DSCAM: variants seen among roughly 807,000 people sequenced by gnomAD.
DSCAM encodes the protein cell adhesion molecule DSCAM.
Under a neutral mutation model 217.7 loss-of-function variants are expected in DSCAM, and 47 were observed. The ratio of observed to expected loss-of-function variants is 0.22; its 90% CI spans 0.17 to 0.28. The LOEUF (loss-of-function observed/expected upper bound fraction) is 0.28. Among genes scored for constraint, DSCAM ranks in the 10% least tolerant of loss-of-function variants. DSCAM has a pLI of 1.00. For missense variants in DSCAM, 2,080 were observed against 2,618.3 expected (o/e 0.79, Z 4.49); for synonymous variants, 1,056 against 1,015.3 (o/e 1.04, Z -0.76).
intron 3 of DSCAM, among the ~76,000 whole-genome samples, chr21:40,686,346 A>G (rs542252094): frequency 2.7e-5 from 4 of 150,732 alleles, no homozygotes; most frequent in African/African-American, 9.7e-5. Flanking sequence ...CACACCCCAC[A>G]TGCCACACAC....
chr21:40,540,900 A>ATT (rs879593036), intron 3 of DSCAM, among the ~76,000 whole-genome samples: 13 of 149,504 alleles, frequency 8.7e-5, no homozygotes, highest in African/African-American at 2.9e-4. Flanking sequence ...TGTTTGGGGT[A>ATT]TTTTTTTTTT....
intron 15 of DSCAM, among the ~76,000 whole-genome samples, chr21:40,169,026 G>A (rs141850157): frequency 2.0e-5 from 3 of 152,158 alleles, no homozygotes; most frequent in African/African-American, 7.2e-5. Context: ...TGTAAATAGG[G>A]GGAAGCAAAT....
In DSCAM at chr21:40,084,640, T is replaced by A. The variant is rs533102085; in HGVS notation, c.4133-634A>T. 1.2e-4 allele frequency among the ~76,000 whole-genome samples: 18 copies of A among 152,000 alleles called. No homozygotes were observed. In the South Asian group the frequency reaches 3.3e-3, roughly 28 times the overall value. On this transcript the variant is annotated intron_variant, in intron 23 of 32. Transcript: ENST00000400454. ...TGTAGAATACATACTGGTAAGTAAGTCTGGATGGGTTCTGAGGGCAGAAAC... is the reference window on the plus strand; with the variant it reads ...TGTAGAATACATACTGGTAAGTAAGACTGGATGGGTTCTGAGGGCAGAAAC...
chr21:40,719,709 A>G (rs769095970), intron 1 of DSCAM, among the ~76,000 whole-genome samples: 4 of 152,220 alleles, frequency 2.6e-5, no homozygotes, highest in Admixed American at 6.5e-5. Flanking sequence ...TTTACACTGT[A>G]TTGTTCCATT....
At chr21:40,451,203 C>T (rs887594280) in intron 3 of DSCAM, among the ~76,000 whole-genome samples, 2 of 152,110 alleles carry the variant, frequency 1.3e-5, no homozygotes, top group African/African-American at 4.8e-5. Flanking sequence ...GTTCAGACTC[C>T]AAAGGGCCAC....
intron 9 of DSCAM, among the ~76,000 whole-genome samples, chr21:40,308,619 G>T (rs958732619): frequency 6.6e-6 from 1 of 152,078 alleles, no homozygotes; most frequent in African/African-American, 2.4e-5. Context: ...CACCTGCCAA[G>T]ATCACTGTGA....
intron 3 of DSCAM, among the ~76,000 whole-genome samples, chr21:40,427,798 G>C (rs1164855987): frequency 6.6e-6 from 1 of 152,236 alleles, no homozygotes; most frequent in Non-Finnish European, 1.5e-5. Flanking sequence ...ATGTGGCCTG[G>C]TGCTGCTATG....
intron 4 of DSCAM, among the ~76,000 whole-genome samples, chr21:40,366,260 CTTTT>C (rs2074831940): frequency 3.9e-5 from 6 of 151,956 alleles, no homozygotes; most frequent in African/African-American, 1.4e-4. Context: ...GCTTGGCTTT[CTTTT>C]TAAGAGAATT....
At chr21:40,552,246 G>A (rs565429673) in intron 3 of DSCAM, among the ~76,000 whole-genome samples, 35 of 152,198 alleles carry the variant, frequency 2.3e-4, no homozygotes, top group Admixed American at 1.2e-3. Flanking sequence ...CCTGGGCATT[G>A]GAGGTTGCAG....
At chr21:40,504,597 T>G (rs561060279) in intron 3 of DSCAM, among the ~76,000 whole-genome samples, 9 of 152,150 alleles carry the variant, frequency 5.9e-5, no homozygotes, top group Non-Finnish European at 7.4e-5. Context: ...AAAAACTACA[T>G]AGGCGATGCG....
intron 26 of DSCAM, among the ~76,000 whole-genome samples, chr21:40,077,587 T>C (rs1051956778): frequency 6.6e-6 from 1 of 152,080 alleles, no homozygotes; most frequent in African/African-American, 2.4e-5. Context: ...AAAGAATCAC[T>C]CTCCTAGAGA....
chr21:40,307,616 A>C (rs1423719221), intron 9 of DSCAM, among the ~76,000 whole-genome samples: 1 of 152,224 alleles, frequency 6.6e-6, no homozygotes, highest in Non-Finnish European at 1.5e-5. Flanking sequence ...TCATGCTGCT[A>C]TAAAGACACA....
chr21:40,514,373 T>C (rs2076283583), intron 3 of DSCAM, among the ~76,000 whole-genome samples: 1 of 152,212 alleles, frequency 6.6e-6, no homozygotes, highest in Non-Finnish European at 1.5e-5. Flanking sequence ...ATCACCCTTT[T>C]TCCTCTTAAA....
At chr21:40,066,055 C>T (rs1026410573) in intron 27 of DSCAM, among the ~76,000 whole-genome samples, 3 of 152,222 alleles carry the variant, frequency 2.0e-5, no homozygotes, top group South Asian at 2.1e-4. Flanking sequence ...CCCATGCAGA[C>T]GCAACTTGCT....
chr21:40,164,582 G>C (rs2090573684), intron 16 of DSCAM, among the ~76,000 whole-genome samples: 2 of 152,158 alleles, frequency 1.3e-5, no homozygotes, highest in African/African-American at 4.8e-5. Context: ...TGGATCACGT[G>C]AAGTCAGGAG....
chr21:40,350,877 C>CTTTT (rs10658416), intron 5 of DSCAM, among the ~76,000 whole-genome samples: 1,388 of 63,880 alleles, frequency 0.022, 298 homozygotes, highest in African/African-American at 0.029. Context: ...ATAAGTCATA[C>CTTTT]TTTTTTTTTT....
At chr21:40,763,172 A>T (rs1023729198) in intron 1 of DSCAM, among the ~76,000 whole-genome samples, 11 of 152,270 alleles carry the variant, frequency 7.2e-5, no homozygotes, top group African/African-American at 1.2e-4. Flanking sequence ...TGCAGACGAC[A>T]TGATTGTATA....
intron 3 of DSCAM, among the ~76,000 whole-genome samples, chr21:40,377,476 C>T (rs1232079815): frequency 1.3e-5 from 2 of 151,876 alleles, no homozygotes; most frequent in African/African-American, 4.8e-5. Flanking sequence ...AAGAAGATGC[C>T]AGGTATTGAT....
At chr21:40,357,768 G>A (rs551888136) in intron 4 of DSCAM, among the ~76,000 whole-genome samples, 47 of 152,018 alleles carry the variant, frequency 3.1e-4, no homozygotes, top group African/African-American at 1.0e-3. Context: ...GTTAAATAAC[G>A]AGTTAATGGG....
Sources: allele counts gnomAD v4.1 joint callset (sites outside exome capture counted in the v4.1 genomes callset), GRCh38; gene constraint gnomAD v4.1.1; transcripts MANE v1.5; gene names NCBI Gene and HGNC (gene_info 2026-07-23, HGNC 2026-07-21).